The following NEDD4L variants were observed in gnomAD, a reference collection of about 807,000 sequenced individuals.
NEDD4L encodes the protein NEDD4 like E3 ubiquitin protein ligase.
NEDD4L carries 54 observed loss-of-function variants against 148.9 expected under a neutral mutation model. That is an observed-to-expected ratio of 0.36 (90% CI 0.29 to 0.45). NEDD4L has a LOEUF of 0.45. Among genes scored for constraint, NEDD4L ranks in the 20% least tolerant of loss-of-function variants. The pLI, the probability that NEDD4L is intolerant of heterozygous loss-of-function variation, is 1.00. For synonymous variants in NEDD4L, 433 were observed against 440.7 expected (o/e 0.98, Z 0.22); for missense variants, 856 against 1,233.8 (o/e 0.69, Z 4.59).
chr18:58,077,160 CTTTTTTTTTTTTT>C (rs60248050), intron 1 of NEDD4L, among the ~76,000 whole-genome samples: 1,675 of 48,990 alleles, frequency 0.034, 54 homozygotes, highest in African/African-American at 0.12. Context: ...CTCATAACGG[CTTTTTTTTTTTTT>C]TTTTTTTTTT....
At chr18:58,180,027 C>T (rs372648830) in intron 2 of NEDD4L, among the ~76,000 whole-genome samples, 6 of 152,140 alleles carry the variant, frequency 3.9e-5, no homozygotes, top group African/African-American at 1.4e-4. Flanking sequence ...GCGTCCATAT[C>T]TGCCCTATTC....
intron 1 of NEDD4L, among the ~76,000 whole-genome samples, chr18:58,056,019 G>A (rs765446491): frequency 9.9e-5 from 15 of 152,080 alleles, no homozygotes; most frequent in Non-Finnish European, 1.5e-4. Flanking sequence ...ACCTGTGAGC[G>A]GTCAGCTCTT....
chr18:58,233,536 C>T (rs1287977154), intron 2 of NEDD4L, among the ~76,000 whole-genome samples: 2 of 152,206 alleles, frequency 1.3e-5, no homozygotes, highest in Non-Finnish European at 2.9e-5. Context: ...CCACTGGGTC[C>T]CTCCCACAAC....
In NEDD4L at chr18:58,343,062, C is replaced by A. The variant is rs748435237; in HGVS notation, c.1534C>A (p.Arg512=). The part of the protein sequence containing the change: ...GWEMRIAPNG[R]PFFIDHNTKT... ...GGAAATGAGGATAGCGCCAAACGGCCGGCCCTTCTTCATTGATCATAACAC... is the reference window on the plus strand; with the variant it reads ...GGAAATGAGGATAGCGCCAAACGGCAGGCCCTTCTTCATTGATCATAACAC... Residue 512 remains arginine, a synonymous_variant, in exon 16 of 31, where the codon CGG becomes AGG. Transcript: ENST00000400345. 4 of 1,611,800 alleles carry A rather than the reference C, an allele frequency of 2.5e-6. No individual in the cohort carries two copies. The Admixed American group carries it at 5.0e-5, about 20-fold the overall frequency.
At chr18:58,165,650 G>A in intron 1 of NEDD4L, 138 bp from the exon 2 acceptor site, 1 of 1,528,064 alleles carries the variant, frequency 6.5e-7, no homozygotes, top group South Asian at 1.2e-5. Flanking sequence ...GTGTAAGGAA[G>A]AATTGCTTAT....
chr18:58,054,776 A>G (rs1176750365), intron 1 of NEDD4L: 1 of 152,180 alleles, frequency 6.6e-6, no homozygotes, highest in Admixed American at 6.5e-5. Context: ...CCAGAAGATA[A>G]ATGAATGTGG....
At chr18:58,275,618 G>T (rs2051789295) in intron 5 of NEDD4L, among the ~76,000 whole-genome samples, 1 of 152,180 alleles carries the variant, frequency 6.6e-6, no homozygotes, top group Admixed American at 6.5e-5. Flanking sequence ...GGGAGTAGTG[G>T]TCTGGCCGCT....
intron 27 of NEDD4L, 177 bp downstream of exon 27, chr18:58,387,675 C>T (rs1452490969): frequency 8.6e-6 from 6 of 701,146 alleles, no homozygotes; most frequent in African/African-American, 3.7e-5. Context: ...TTACATGTCT[C>T]TTATGGGGCT....
intron 1 of NEDD4L, among the ~76,000 whole-genome samples, chr18:58,101,303 C>T (rs1192160370): frequency 2.0e-5 from 3 of 152,154 alleles, no homozygotes; most frequent in Non-Finnish European, 4.4e-5. Context: ...AGGAGCATCA[C>T]TCCTGGCATA....
chr18:58,298,709 T>C (rs1354926571), intron 5 of NEDD4L, among the ~76,000 whole-genome samples: 1 of 152,216 alleles, frequency 6.6e-6, no homozygotes, highest in Non-Finnish European at 1.5e-5. Flanking sequence ...CTCTGGTTCA[T>C]TCCATTGAGC....
At chr18:58,050,001 A>G (rs946073450) in intron 1 of NEDD4L, among the ~76,000 whole-genome samples, 10 of 143,704 alleles carry the variant, frequency 7.0e-5, no homozygotes, top group Non-Finnish European at 1.4e-4. Context: ...AAAAAAAAAG[A>G]CTAATGAATA....
At chr18:58,079,577 C>T (rs559219721) in intron 1 of NEDD4L, among the ~76,000 whole-genome samples, 11 of 152,330 alleles carry the variant, frequency 7.2e-5, no homozygotes, top group African/African-American at 1.9e-4. Context: ...TGGCAGACCT[C>T]GATGGGATGC....
chr18:58,321,643 C>T (rs559008539), intron 6 of NEDD4L, among the ~76,000 whole-genome samples: 8 of 152,340 alleles, frequency 5.3e-5, no homozygotes, highest in Admixed American at 3.3e-4. Context: ...TGCATGCACG[C>T]GCACACAAAC....
chr18:58,284,346 A>AT (rs150032446), intron 5 of NEDD4L, among the ~76,000 whole-genome samples: 3,142 of 151,828 alleles, frequency 0.021, 92 homozygotes, highest in African/African-American at 0.061. Context: ...ACTGTTGTTG[A>AT]TTTTTTTTTC....
At chr18:58,195,790 A>T in intron 2 of NEDD4L, 1 of 1,099,612 alleles carries the variant, frequency 9.1e-7, no homozygotes, top group Non-Finnish European at 1.3e-6. Context: ...CCACAGCATC[A>T]GGAGAAGGTT....
intron 23 of NEDD4L, 117 bp from the exon 24 acceptor site, chr18:58,373,057 G>A (rs1243353402): frequency 3.0e-6 from 2 of 658,116 alleles, no homozygotes; most frequent in Non-Finnish European, 5.6e-6. Flanking sequence ...CATTGCATTA[G>A]TAACATATTT....
chr18:58,081,373 G>A (rs1420447329), intron 1 of NEDD4L, among the ~76,000 whole-genome samples: 6 of 151,668 alleles, frequency 4.0e-5, no homozygotes, highest in East Asian at 3.9e-4. Context: ...CTACCACCGC[G>A]CCCGGCTAAT....
intron 2 of NEDD4L, among the ~76,000 whole-genome samples, chr18:58,175,421 T>C (rs775087756): frequency 1.1e-4 from 17 of 152,264 alleles, no homozygotes; most frequent in Non-Finnish European, 1.9e-4. Context: ...GTTTCTTTGT[T>C]AGCATTTAGA....
At chr18:58,246,718 G>A (rs2047305367) in intron 3 of NEDD4L, among the ~76,000 whole-genome samples, 1 of 152,128 alleles carries the variant, frequency 6.6e-6, no homozygotes, top group African/African-American at 2.4e-5. Context: ...ACCCGCCTTA[G>A]CCTCCCAAAG....
Sources: allele counts gnomAD v4.1 joint callset (sites outside exome capture counted in the v4.1 genomes callset), GRCh38; gene constraint gnomAD v4.1.1; transcripts MANE v1.5; gene names NCBI Gene and HGNC (gene_info 2026-07-23, HGNC 2026-07-21).